CCDC30: variants seen among roughly 807,000 people sequenced by gnomAD.
The protein encoded by CCDC30 is coiled-coil domain containing 30, also known as coiled-coil domain-containing protein 30.
In CCDC30, 70 loss-of-function variants were observed where a neutral mutation model predicts 100.2. The ratio of observed to expected loss-of-function variants is 0.70; its 90% CI spans 0.58 to 0.85. The LOEUF (loss-of-function observed/expected upper bound fraction) is 0.85, where lower values mean the gene tolerates loss of function less well. Ranked by LOEUF, CCDC30 falls within the 40% of genes least tolerant of loss-of-function variation. The pLI is 0.00. For synonymous variants in CCDC30, 233 were observed against 269.5 expected (o/e 0.86, Z 1.33); for missense variants, 652 against 771.2 (o/e 0.85, Z 1.83).
Position 42,580,834 on chromosome 1 carries a change from T to C in CCDC30, c.847-526T>C, listed in dbSNP as rs1242509187. 54 of 456,116 alleles carry C rather than the reference T, an allele frequency of 1.2e-4. 1 individual carries two copies. The highest frequency in any genetic ancestry group is 2.2e-5 in the Non-Finnish European group (5 of 226,948). 28.3% of individuals were successfully genotyped at this position (456,116 alleles called of 1,614,324 possible). A position where few individuals can be genotyped will look rare whatever the true frequency, so the allele number is the denominator to read the frequency against. On this transcript the variant is annotated intron_variant, in intron 8 of 16. Transcript: ENST00000668663. ...GAGACTTCTATTTTGTTTTGCAGTG[T>C]TATTCATGAATCTAGCCACACTGTG...
chr1:42,539,385 T>C, intron 6 of CCDC30, 75 bp downstream of exon 8: 2 of 1,345,862 alleles, frequency 1.5e-6, no homozygotes, highest in South Asian at 3.1e-5. Context: ...AGGAAATTAA[T>C]TTTAAGCAAC....
intron 9 of CCDC30, among the ~76,000 whole-genome samples, chr1:42,586,831 A>G: frequency 6.6e-6 from 1 of 152,234 alleles, no homozygotes. Flanking sequence ...TCTGACTACT[A>G]AAAGAGGCTC....
At chr1:42,562,109 A>G (rs1037959791) in intron 6 of CCDC30, among the ~76,000 whole-genome samples, 2 of 152,234 alleles carry the variant, frequency 1.3e-5, no homozygotes, top group Non-Finnish European at 2.9e-5. Context: ...AAACTATTTT[A>G]AATTTCATAT....
At chr1:42,504,254 C>T (rs1234559404) in intron 6 of CCDC30, among the ~76,000 whole-genome samples, 4 of 152,202 alleles carry the variant, frequency 2.6e-5, no homozygotes, top group East Asian at 1.9e-4. Context: ...GCCCTCATTC[C>T]GGTAAGCCCA....
In CCDC30 at chr1:42,577,047, C is replaced by T; in HGVS notation, c.664C>T (p.Gln222Ter). The T allele has an allele frequency of 1.2e-6, 2 of 1,613,722 alleles. No individual in the cohort carries two copies. Among genetic ancestry groups the T allele is most frequent in the Non-Finnish European group, 1.7e-6 (2 of 1,179,750 alleles). Reference sequence around the variant, plus strand: ...AAAGATTGAACTAAAGCATGCCCAACAGAAGTTATTAGACAGCACAAAGAT... The same window carrying T: ...AAAGATTGAACTAAAGCATGCCCAATAGAAGTTATTAGACAGCACAAAGAT... Residue 222 changes from glutamine to a stop codon, truncating the protein, a stop_gained, in exon 8 of 17, where the codon CAG becomes TAG. Coordinates refer to ENST00000668663, the Ensembl canonical transcript of CCDC30. LOFTEE classifies it high-confidence loss of function.
rs184769611 is a variant in CCDC30, at chr1:42,646,664, C to T, written c.1854+347C>T. 1.1e-3 allele frequency among the ~76,000 whole-genome samples: 164 copies of T among 152,264 alleles called. 2 individuals are homozygous for T. Among genetic ancestry groups the T allele is most frequent in the African/African-American group, 3.9e-3 (160 of 41,552 alleles). Reference sequence around the variant, plus strand: ...TCCCCCAGGTCTCCTGGGCATGAGCCCCTAGACAGCCTTCCCTCACTGCCA... The same window carrying T: ...TCCCCCAGGTCTCCTGGGCATGAGCTCCTAGACAGCCTTCCCTCACTGCCA... On this transcript the variant is annotated intron_variant, in intron 15 of 16. Coordinates refer to ENST00000668663, the Ensembl canonical transcript of CCDC30.
At chr1:42,566,422 C>A in exon 7 of CCDC30, 1 of 1,613,924 alleles carries the variant, frequency 6.2e-7, no homozygotes, top group South Asian at 1.1e-5. Flanking sequence ...TGAACGAGGG[C>A]AGAACTTGGA....
intron 11 of CCDC30, among the ~76,000 whole-genome samples, chr1:42,621,037 A>T (rs1262254861): frequency 1.3e-5 from 2 of 152,228 alleles, no homozygotes; most frequent in Admixed American, 6.5e-5. Flanking sequence ...GTAAGTAGAG[A>T]ATTTATTTGA....
At chr1:42,532,070 T>C (rs752263656) in intron 6 of CCDC30, among the ~76,000 whole-genome samples, 7 of 152,284 alleles carry the variant, frequency 4.6e-5, no homozygotes, top group African/African-American at 1.2e-4. Context: ...AGTGGGAGGA[T>C]TGCTTGAGCC....
chr1:42,485,948 A>T (rs1420034870), intron 3 of CCDC30, among the ~76,000 whole-genome samples: 1 of 152,220 alleles, frequency 6.6e-6, no homozygotes, highest in Non-Finnish European at 1.5e-5. Flanking sequence ...TCTACTTCAT[A>T]CCCACTAGAA....
intron 6 of CCDC30, 114 bp from the exon 8 acceptor site, chr1:42,539,059 T>C: frequency 1.2e-6 from 1 of 841,782 alleles, no homozygotes; most frequent in Non-Finnish European, 1.7e-6. Flanking sequence ...TTGGAATATT[T>C]AAAACAAAAA....
intron 12 of CCDC30, among the ~76,000 whole-genome samples, 160 bp from the exon 17 acceptor site, chr1:42,642,313 A>G (rs1647520036): frequency 6.6e-6 from 1 of 152,064 alleles, no homozygotes; most frequent in Non-Finnish European, 1.5e-5. Context: ...ATTTAGCTAC[A>G]GTGAATGACA....
intron 6 of CCDC30, among the ~76,000 whole-genome samples, chr1:42,554,780 T>C (rs188360531): frequency 3.9e-4 from 59 of 152,264 alleles, no homozygotes; most frequent in Non-Finnish European, 2.9e-5. Flanking sequence ...CTCCTCTTGG[T>C]TTCTGTGGCT....
intron 10 of CCDC30, 161 bp downstream of exon 14, chr1:42,589,644 C>T (rs1646145334): frequency 1.6e-6 from 1 of 612,208 alleles, no homozygotes; most frequent in African/African-American, 1.9e-5. Context: ...AGAGATTTAA[C>T]ACAGGGAATA....
At chr1:42,649,371 T>A (rs772736871) in intron 15 of CCDC30, among the ~76,000 whole-genome samples, 1 of 152,160 alleles carries the variant, frequency 6.6e-6, no homozygotes, top group East Asian at 1.9e-4. Flanking sequence ...TCTTATTACA[T>A]ACAGAAAAAG....
At chr1:42,508,441 A>G (rs1360264967) in intron 6 of CCDC30, among the ~76,000 whole-genome samples, 2 of 152,220 alleles carry the variant, frequency 1.3e-5, no homozygotes, top group Non-Finnish European at 2.9e-5. Context: ...CCAGATGTGC[A>G]AAGAAGTAAG....
intron 15 of CCDC30, among the ~76,000 whole-genome samples, chr1:42,650,911 A>G (rs1370118069): frequency 6.6e-6 from 1 of 152,182 alleles, no homozygotes; most frequent in Non-Finnish European, 1.5e-5. Flanking sequence ...TATAGGTGTC[A>G]GACACCACAC....
rs112753237 is a variant in CCDC30, at chr1:42,644,290, C to T, written c.1557-403C>T. On this transcript the variant is annotated intron_variant, in intron 13 of 16. Coordinates refer to ENST00000668663, the Ensembl canonical transcript of CCDC30. ...TCCTGTGTTTGAGGGCAGGAAGCAT[C>T]CAGCATGGGAGAAAGATGTAAACTG... Among the ~76,000 whole-genome samples the T allele has an allele frequency of 9.2e-3, 1,400 of 152,236 alleles. 19 individuals carry two copies. Among genetic ancestry groups the T allele is most frequent in the African/African-American group, 0.032 (1,347 of 41,528 alleles).
In CCDC30 at chr1:42,473,313, A is replaced by G. The variant is rs1287444945; in HGVS notation, c.-91-7148A>G. Reference sequence around the variant, plus strand: ...GGGTGAAACAAAAGAAGTGAGAACTAATAGCATAGAATTTTAAAGACACCT... The same window carrying G: ...GGGTGAAACAAAAGAAGTGAGAACTGATAGCATAGAATTTTAAAGACACCT... On this transcript the variant is annotated intron_variant, in intron 1 of 16. Transcript: ENST00000668663. The G allele has an allele frequency of 7.4e-6, 9 of 1,209,008 alleles. No homozygotes were observed. The African/African-American group carries it at 1.4e-4, about 19-fold the overall frequency. 74.9% of individuals were successfully genotyped at this position (1,209,008 alleles called of 1,614,324 possible).
Sources: gnomAD v4.1 joint callset for allele counts (sites outside exome capture counted in the v4.1 genomes callset) on GRCh38, gnomAD v4.1.1 for gene constraint, MANE v1.5 for transcripts, NCBI Gene and HGNC (gene_info 2026-07-23, HGNC 2026-07-21) for gene names.